The following PIP5K1B variants were observed in gnomAD, a reference collection of about 807,000 sequenced individuals.
The protein encoded by PIP5K1B is phosphatidylinositol-4-phosphate 5-kinase type 1 beta, also known as phosphatidylinositol 4-phosphate 5-kinase type-1 beta.
A neutral mutation model predicts 67.0 loss-of-function variants in PIP5K1B; 42 were observed. That is an observed-to-expected ratio of 0.63 (90% confidence interval 0.49 to 0.81). The LOEUF is 0.81. Among genes scored for constraint, PIP5K1B ranks in the 30% least tolerant of loss-of-function variants. PIP5K1B has a pLI of 0.00. For synonymous variants in PIP5K1B, 214 were observed against 231.4 expected, an observed-to-expected ratio of 0.92 and a Z score of 0.68; for missense variants, 459 against 646.3, an observed-to-expected ratio of 0.71 and a Z score of 3.14.
intron 6 of PIP5K1B, among the ~76,000 whole-genome samples, chr9:68,887,632 T>C (rs913608322): frequency 6.6e-6 from 1 of 152,208 alleles, no homozygotes; most frequent in Non-Finnish European, 1.5e-5. Flanking sequence ...AGATGCCTAG[T>C]TTCCTGGTGA....
intron 8 of PIP5K1B, among the ~76,000 whole-genome samples, chr9:68,898,046 C>T (rs1825175740): frequency 6.6e-6 from 1 of 152,172 alleles, no homozygotes; most frequent in Non-Finnish European, 1.5e-5. Flanking sequence ...ATCCTTGTGG[C>T]AGCCCCTGAG....
At chr9:68,929,394 C>T (rs948045664) in intron 12 of PIP5K1B, among the ~76,000 whole-genome samples, 7 of 152,170 alleles carry the variant, frequency 4.6e-5, no homozygotes, top group Non-Finnish European at 1.0e-4. Context: ...CTCCACACCT[C>T]ATCCTTCTAT....
At chr9:68,931,510 A>G (rs951556509) in intron 12 of PIP5K1B, among the ~76,000 whole-genome samples, 3 of 152,204 alleles carry the variant, frequency 2.0e-5, no homozygotes, top group African/African-American at 7.2e-5. Flanking sequence ...ATTTCTGCAT[A>G]TGCTACTATG....
chr9:68,720,135 C>T (rs1827818785), intron 1 of PIP5K1B, among the ~76,000 whole-genome samples: 1 of 152,210 alleles, frequency 6.6e-6, no homozygotes, highest in Admixed American at 6.5e-5. Context: ...TGAATGAACT[C>T]ATTCTTAAGC....
At chr9:68,861,033 TGATTATGATA>T (rs1230706363) in intron 4 of PIP5K1B, among the ~76,000 whole-genome samples, 1 of 152,256 alleles carries the variant, frequency 6.6e-6, no homozygotes, top group African/African-American at 2.4e-5. Flanking sequence ...GTATGTGCTA[TGATTATGATA>T]GATTATGATC....
At chr9:68,918,117 TCTCA>T (rs1826194936) in intron 9 of PIP5K1B, among the ~76,000 whole-genome samples, 1 of 146,022 alleles carries the variant, frequency 6.8e-6, no homozygotes, top group African/African-American at 2.5e-5. Context: ...TGAGACAGAG[TCTCA>T]CTCTGTCACC....
chr9:68,917,779 TA>T lies in PIP5K1B; in HGVS notation c.983+21del. 2 of 1,573,974 alleles carry T rather than the reference TA, an allele frequency of 1.3e-6. No individual in the cohort carries two copies. Among genetic ancestry groups the T allele is most frequent in the Non-Finnish European group, 8.7e-7 (1 of 1,144,032 alleles). ...AGACACGTAAGTGCAGCCACACACC[TA>T]CCCACCCTCTTGACTGTGGCAGCCC... On this transcript the variant is annotated intron_variant, in intron 9 of 15. Coordinates refer to ENST00000265382, the MANE Select transcript of PIP5K1B (RefSeq NM_003558.4).
chr9:68,876,852 C>A, intron 6 of PIP5K1B, 58 bp downstream of exon 6: 1 of 871,298 alleles, frequency 1.1e-6, no homozygotes, highest in Non-Finnish European at 2.0e-6. Flanking sequence ...ACATTTGTCT[C>A]ATAGCAACAG....
intron 6 of PIP5K1B, among the ~76,000 whole-genome samples, chr9:68,887,310 G>A (rs7027620): frequency 0.066 from 9,995 of 152,252 alleles, 675 homozygotes; most frequent in African/African-American, 0.17. Context: ...TTTAAATACA[G>A]CAATGAGTGG....
At chr9:68,878,940 G>A (rs1343206271) in intron 6 of PIP5K1B, among the ~76,000 whole-genome samples, 2 of 152,170 alleles carry the variant, frequency 1.3e-5, no homozygotes, top group African/African-American at 4.8e-5. Flanking sequence ...CAGAGATGTG[G>A]ATGTGTTCAG....
intron 14 of PIP5K1B, among the ~76,000 whole-genome samples, chr9:68,957,203 C>T (rs1828445306): frequency 6.6e-6 from 1 of 151,626 alleles, no homozygotes; most frequent in African/African-American, 2.4e-5. Context: ...GTCCTCTCTC[C>T]AGGGACTTCT....
chr9:68,987,754 C>T (rs886589376), intron 14 of PIP5K1B, among the ~76,000 whole-genome samples: 12 of 152,064 alleles, frequency 7.9e-5, no homozygotes, highest in African/African-American at 2.9e-4. Context: ...TCTTACATGG[C>T]AGTGGCGAGG....
chr9:68,947,284 C>T (rs1432928718), intron 14 of PIP5K1B, among the ~76,000 whole-genome samples: 1 of 152,196 alleles, frequency 6.6e-6, no homozygotes, highest in Non-Finnish European at 1.5e-5. Context: ...CTGCTGCCGC[C>T]TTGGAGAAGG....
intron 15 of PIP5K1B, among the ~76,000 whole-genome samples, chr9:68,995,235 AAG>A (rs141707400): frequency 6.6e-6 from 1 of 150,796 alleles, no homozygotes; most frequent in South Asian, 2.1e-4. Flanking sequence ...GGGAGAAAGA[AAG>A]AGAGAAAGAA....
chr9:68,891,434 G>T (rs1017499892), intron 7 of PIP5K1B, among the ~76,000 whole-genome samples: 7 of 150,926 alleles, frequency 4.6e-5, no homozygotes, highest in Non-Finnish European at 1.0e-4. Context: ...CTAAAAATTG[G>T]CAGGGGAGTT....
chr9:68,905,141 A>G (rs1264481064), intron 8 of PIP5K1B, among the ~76,000 whole-genome samples: 3 of 151,986 alleles, frequency 2.0e-5, no homozygotes, highest in Admixed American at 2.0e-4. Flanking sequence ...AGGTCAATAT[A>G]GGCCCCAAGC....
At chr9:68,762,933 C>A (rs1204578659) in intron 2 of PIP5K1B, among the ~76,000 whole-genome samples, 1 of 152,048 alleles carries the variant, frequency 6.6e-6, no homozygotes, top group Non-Finnish European at 1.5e-5. Flanking sequence ...TCTGGAGTAG[C>A]GCAGTTATCG....
At chr9:68,863,777 T>C in intron 4 of PIP5K1B, 60 bp from the exon 5 acceptor site, 1 of 1,488,466 alleles carries the variant, frequency 6.7e-7, no homozygotes, top group South Asian at 1.2e-5. Context: ...TTGTTGCCTG[T>C]ACCATTGAAC....
chr9:68,721,014 T>A (rs900750689), intron 1 of PIP5K1B, among the ~76,000 whole-genome samples: 5 of 152,210 alleles, frequency 3.3e-5, no homozygotes, highest in African/African-American at 4.8e-5. Context: ...AAGCATGACA[T>A]CATGAAGCTT....
Sources: allele counts gnomAD v4.1 joint callset (sites outside exome capture counted in the v4.1 genomes callset), GRCh38; gene constraint gnomAD v4.1.1; transcripts MANE v1.5; gene names NCBI Gene and HGNC (gene_info 2026-07-23, HGNC 2026-07-21).